Variants in TTC39C observed in about 807,000 individuals in gnomAD.
TTC39C encodes the protein tetratricopeptide repeat protein 39C.
TTC39C carries 33 observed loss-of-function variants against 76.3 expected under a neutral mutation model. The ratio of observed to expected loss-of-function variants is 0.43; its 90% CI spans 0.33 to 0.58. The LOEUF (loss-of-function observed/expected upper bound fraction) is 0.58. Ranked by LOEUF, TTC39C falls within the 20% of genes least tolerant of loss-of-function variation. The pLI, the probability that TTC39C is intolerant of heterozygous loss-of-function variation, is 0.04. For synonymous variants in TTC39C, 254 were observed against 260.6 expected (o/e 0.97, Z 0.24); for missense variants, 595 against 701.4 (o/e 0.85, Z 1.71).
chr18:24,028,052 T>G (rs930136319), intron 1 of TTC39C, among the ~76,000 whole-genome samples: 1 of 152,176 alleles, frequency 6.6e-6, no homozygotes, highest in Non-Finnish European at 1.5e-5. Flanking sequence ...TTTTGATTAT[T>G]TCTGTATTGA....
intron 1 of TTC39C, among the ~76,000 whole-genome samples, chr18:24,036,634 T>G (rs1430336815): frequency 6.6e-6 from 1 of 152,210 alleles, no homozygotes; most frequent in Non-Finnish European, 1.5e-5. Flanking sequence ...TTTTTGTTTC[T>G]GTTTTTGTTT....
intron 1 of TTC39C, among the ~76,000 whole-genome samples, chr18:24,032,392 A>AT (rs1310377203): frequency 1.3e-5 from 2 of 151,642 alleles, no homozygotes; most frequent in African/African-American, 4.8e-5. Flanking sequence ...GCCTTATCTC[A>AT]TTTTTTTCAT....
chr18:24,122,060 C>T (rs2084974467), intron 8 of TTC39C, among the ~76,000 whole-genome samples: 1 of 152,148 alleles, frequency 6.6e-6, no homozygotes, highest in Non-Finnish European at 1.5e-5. Context: ...GCCGTCTTTC[C>T]CATTGTCTTT....
chr18:24,049,975 AGATGGAG>A (rs1408826079), intron 1 of TTC39C, among the ~76,000 whole-genome samples: 3 of 152,212 alleles, frequency 2.0e-5, no homozygotes, highest in Non-Finnish European at 4.4e-5. Flanking sequence ...GGCAATTAAA[AGATGGAG>A]GACTCAGGGT....
At chr18:24,065,728 T>A (rs1599290824) in intron 2 of TTC39C, among the ~76,000 whole-genome samples, 2 of 152,208 alleles carry the variant, frequency 1.3e-5, no homozygotes, top group East Asian at 3.8e-4. Flanking sequence ...CATAGAGAAT[T>A]TTTGTTACTG....
rs373907056 is a variant in TTC39C, at chr18:24,113,363, G to A, written c.985-1191G>A. The A allele has an allele frequency of 1.9e-4, 107 of 572,024 alleles. No homozygotes were observed. The African/African-American group carries it at 1.9e-3, about 10-fold the overall frequency. The allele number at this position is 572,024 out of a possible 1,614,324, so 35.4% of individuals were successfully genotyped here. ...GCCTCCTGCAGTGACGTGCTGAGGAGAGGAGCCCAGGTCTGCGGGTGGGGG... is the reference window on the plus strand; with the variant it reads ...GCCTCCTGCAGTGACGTGCTGAGGAAAGGAGCCCAGGTCTGCGGGTGGGGG... On this transcript the variant is annotated intron_variant, in intron 6 of 13. Transcript: ENST00000317571.
At chr18:24,017,217 G>A (rs573494331) in intron 1 of TTC39C, among the ~76,000 whole-genome samples, 23 of 152,258 alleles carry the variant, frequency 1.5e-4, no homozygotes, top group Non-Finnish European at 2.6e-4. Context: ...CAATCATTGC[G>A]TTCTTCCCCC....
intron 5 of TTC39C, among the ~76,000 whole-genome samples, chr18:24,082,239 G>A (rs140001352): frequency 6.6e-6 from 1 of 151,796 alleles, no homozygotes; most frequent in Admixed American, 6.6e-5. Context: ...TGGAGCAAGG[G>A]AGTCTGAAGT....
chr18:24,082,672 T>A (rs2145761779), intron 5 of TTC39C, among the ~76,000 whole-genome samples: 1 of 152,330 alleles, frequency 6.6e-6, no homozygotes, highest in South Asian at 2.1e-4. Flanking sequence ...AATGCTCCTG[T>A]TACTTTATTC....
chr18:24,083,697 A>G (rs2084405608), intron 6 of TTC39C, among the ~76,000 whole-genome samples: 1 of 152,210 alleles, frequency 6.6e-6, no homozygotes. Context: ...GTGCTTGCCC[A>G]GTGAGTGAGC....
At chr18:23,998,948 A>G (rs2083291403) in intron 1 of TTC39C, among the ~76,000 whole-genome samples, 1 of 146,910 alleles carries the variant, frequency 6.8e-6, no homozygotes. Context: ...CCTGGTATCC[A>G]TTTACACAGC....
chr18:24,002,019 G>C (rs191774650), intron 1 of TTC39C, among the ~76,000 whole-genome samples: 1 of 152,206 alleles, frequency 6.6e-6, no homozygotes, highest in East Asian at 1.9e-4. Context: ...AGTAGAGACG[G>C]GGGGTAATTC....
chr18:24,108,527 T>C (rs2084774310), intron 6 of TTC39C, among the ~76,000 whole-genome samples: 1 of 152,202 alleles, frequency 6.6e-6, no homozygotes, highest in Admixed American at 6.5e-5. Context: ...AATAGAACAA[T>C]AAGGAATATT....
rs1340746270 is a variant in TTC39C at position 24,132,547 on chromosome 18, C to T, written c.1725C>T (p.Ala575=). 3.1e-6 allele frequency: 5 copies of T among 1,613,872 alleles called. No homozygotes were observed. In the South Asian group the frequency reaches 3.3e-5, roughly 11 times the overall value. ...RLHVRIHAAL[A]SLRELVPQ ...ATGTCCGCATCCATGCTGCTCTGGC[C>T]TCTCTGAGGGAATTGGTTCCTCAGT... The change falls in exon 14 of 14, where the codon GCC becomes GCT. Residue 575 remains alanine (A), a synonymous_variant. Transcript: ENST00000317571.
chr18:24,064,151 C>G lies in TTC39C; in HGVS notation c.179C>G (p.Pro60Arg), dbSNP rs1253111248. The G allele has an allele frequency of 6.2e-7, 1 of 1,613,312 alleles. No homozygotes were observed. Among genetic ancestry groups the G allele is most frequent in the East Asian group, 2.2e-5 (1 of 44,808 alleles). The change falls in exon 2 of 14, where the codon CCA (proline) becomes CGA (arginine). Residue 60 changes from proline to arginine, a missense_variant. Physicochemically the swap from Pro to Arg is moderately radical, Grantham distance 103. Coordinates refer to ENST00000317571, the MANE Select transcript of TTC39C (RefSeq NM_001135993.2). ...TGTTTTTTTAACAGAAATCATAGCCCACTAATGAGTTTTGGAGCCAGCTTT... is the reference window on the plus strand; with the variant it reads ...TGTTTTTTTAACAGAAATCATAGCCGACTAATGAGTTTTGGAGCCAGCTTT... ...QLFKQYRNHS[P>R]LMSFGASFVS...
intron 6 of TTC39C, among the ~76,000 whole-genome samples, chr18:24,103,840 T>C (rs2084709887): frequency 6.6e-6 from 1 of 152,020 alleles, no homozygotes; most frequent in Non-Finnish European, 1.5e-5. Flanking sequence ...ACTTCGTTAG[T>C]AAAATTTAGG....
intron 6 of TTC39C, among the ~76,000 whole-genome samples, chr18:24,089,767 G>T (rs1385457761): frequency 6.6e-6 from 1 of 152,116 alleles, no homozygotes; most frequent in African/African-American, 2.4e-5. Context: ...CTATTGCTAG[G>T]TGACCTTTCT....
intron 1 of TTC39C, among the ~76,000 whole-genome samples, chr18:24,008,450 A>G (rs1413922729): frequency 6.6e-6 from 1 of 152,226 alleles, no homozygotes; most frequent in Non-Finnish European, 1.5e-5. Context: ...AAAGATTAAT[A>G]CTACCTTAGC....
At chr18:24,122,500 CAAAAAAA>C (rs36002596) in intron 8 of TTC39C, among the ~76,000 whole-genome samples, 3 of 51,052 alleles carry the variant, frequency 5.9e-5, no homozygotes, top group African/African-American at 9.9e-5. Flanking sequence ...GACTCCATCT[CAAAAAAA>C]AAAAAAAAAA....
Sources: gnomAD v4.1 joint callset for allele counts (sites outside exome capture counted in the v4.1 genomes callset) on GRCh38, gnomAD v4.1.1 for gene constraint, MANE v1.5 for transcripts, NCBI Gene and HGNC (gene_info 2026-07-23, HGNC 2026-07-21) for gene names.